Variants in RBM19 observed in about 807,000 individuals in gnomAD.
RBM19 encodes the protein RNA binding motif protein 19.
A neutral mutation model predicts 116.8 loss-of-function variants in RBM19; 94 were observed. The observed-to-expected ratio is 0.80, with a 90% CI of 0.68 to 0.95. The LOEUF is 0.95. Among genes scored for constraint, RBM19 ranks in the 40% least tolerant of loss-of-function variants. The pLI is 0.00. For synonymous variants in RBM19, 475 were observed against 494.1 expected (o/e 0.96, Z 0.51); for missense variants, 1,161 against 1,220.7 (o/e 0.95, Z 0.73).
At chr12:113,892,766 C>T (rs1389465282) in intron 21 of RBM19, among the ~76,000 whole-genome samples, 1 of 152,140 alleles carries the variant, frequency 6.6e-6, no homozygotes, top group Non-Finnish European at 1.5e-5. Context: ...GAAACACCCT[C>T]CTCGCCCTCC....
chr12:113,926,774 T>A (rs925026723), intron 17 of RBM19, among the ~76,000 whole-genome samples: 1 of 152,142 alleles, frequency 6.6e-6, no homozygotes, highest in African/African-American at 2.4e-5. Flanking sequence ...AACTACTGCC[T>A]TCATATTACA....
intron 7 of RBM19, 27 bp from the exon 8 acceptor site, chr12:113,952,617 A>C (rs1871571469): frequency 1.1e-5 from 18 of 1,579,580 alleles, no homozygotes; most frequent in Non-Finnish European, 1.6e-5. Context: ...TTTTCCCCTT[A>C]CCAACCACAT....
At chr12:113,936,751 A>G in intron 16 of RBM19, 1 of 378,326 alleles carries the variant, frequency 2.6e-6, no homozygotes, top group Non-Finnish European at 4.7e-6. Flanking sequence ...TCTGCTTTGA[A>G]TCCTTGTTAA....
chr12:113,820,174 C>G (rs1874319614), downstream of RBM19, among the ~76,000 whole-genome samples: 1 of 150,878 alleles, frequency 6.6e-6, no homozygotes, highest in African/African-American at 2.4e-5. Context: ...TTTTGGCTTC[C>G]CTGGGTCACC....
intron 21 of RBM19, among the ~76,000 whole-genome samples, chr12:113,892,389 T>A (rs540579301): frequency 6.6e-6 from 1 of 152,286 alleles, no homozygotes; most frequent in African/African-American, 2.4e-5. Flanking sequence ...GGATTGCTAT[T>A]GTTGCCCAGT....
At chr12:113,923,904 C>T (rs900642532) in intron 18 of RBM19, among the ~76,000 whole-genome samples, 2 of 152,236 alleles carry the variant, frequency 1.3e-5, no homozygotes, top group Non-Finnish European at 2.9e-5. Flanking sequence ...CCTGGTGGGG[C>T]CTGGGGACTG....
chr12:113,928,625 ATGTGTGTGTG>A (rs57242923), intron 16 of RBM19, among the ~76,000 whole-genome samples: 29 of 120,426 alleles, frequency 2.4e-4, no homozygotes, highest in Admixed American at 1.7e-3. Context: ...TTAGCAAGGG[ATGTGTGTGTG>A]TGTGTGTGTG....
At chr12:113,936,727 T>A (rs1197627562) in intron 16 of RBM19, 1 of 277,956 alleles carries the variant, frequency 3.6e-6, no homozygotes, top group African/African-American at 2.2e-5. Context: ...AACAGGAAGG[T>A]TGTTTATACT....
chr12:113,926,711 C>G (rs954147534), intron 17 of RBM19, among the ~76,000 whole-genome samples: 1 of 152,232 alleles, frequency 6.6e-6, no homozygotes, highest in Non-Finnish European at 1.5e-5. Flanking sequence ...TTATTCCCAG[C>G]GGGCGAGAGG....
At chr12:113,931,252 C>A (rs1488906078) in intron 16 of RBM19, among the ~76,000 whole-genome samples, 2 of 151,968 alleles carry the variant, frequency 1.3e-5, no homozygotes, top group Admixed American at 1.3e-4. Context: ...AGATAATGGC[C>A]CTTCCCCCTC....
intron 22 of RBM19, among the ~76,000 whole-genome samples, chr12:113,854,195 TC>T (rs1877697354): frequency 6.6e-6 from 1 of 152,136 alleles, no homozygotes; most frequent in African/African-American, 2.4e-5. Context: ...CTACCACCTA[TC>T]TCCTAGAGTC....
At chr12:113,935,804 C>T (rs938688999) in intron 16 of RBM19, among the ~76,000 whole-genome samples, 1 of 152,166 alleles carries the variant, frequency 6.6e-6, no homozygotes. Flanking sequence ...GAGGCTGAGG[C>T]AGGCAGATCA....
chr12:113,949,054 C>T lies in RBM19; in HGVS notation c.1073-18G>A, dbSNP rs891419570. ...GCGCCCACCTGCAATGAAGAGGAGT[C>T]AGGGCTCCAGGGGGAGGCCTAGAAC... On this transcript the variant is annotated intron_variant, in intron 9 of 23. Coordinates refer to ENST00000261741, the MANE Select transcript of RBM19 (RefSeq NM_016196.4). The T allele has an allele frequency of 6.2e-7, 1 of 1,602,220 alleles. No individual in the cohort carries two copies. The highest frequency in any genetic ancestry group is 1.3e-5 in the African/African-American group (1 of 74,628).
chr12:113,861,474 CTGTGTGTGTGTGTGTGTGTGTGTGTG>C (rs57704604), intron 21 of RBM19, among the ~76,000 whole-genome samples: 5 of 126,420 alleles, frequency 4.0e-5, no homozygotes, highest in Non-Finnish European at 8.1e-5. Context: ...AAGCCAGACT[CTGTGTGTGTGTGTGTGTGTGTGTGTG>C]TGTGTGTGTG....
Position 113,966,174 on chromosome 12 carries a change from T to C in RBM19, c.36+18A>G. The C allele has an allele frequency of 6.2e-7, 1 of 1,614,224 alleles. No homozygotes were observed. The highest frequency in any genetic ancestry group is 8.5e-7 in the Non-Finnish European group (1 of 1,180,022). On this transcript the variant is annotated intron_variant, in intron 1 of 23. Transcript: ENST00000261741. ...GCTGGTCTCATTTCAGATTCCCAAG[T>C]CCTGCCTCTGCACTCACCCCATTCG... is the stretch of plus-strand genomic sequence containing the variant.
At chr12:113,900,567 C>T (rs536801315) in intron 21 of RBM19, among the ~76,000 whole-genome samples, 3 of 152,140 alleles carry the variant, frequency 2.0e-5, no homozygotes, top group Non-Finnish European at 4.4e-5. Flanking sequence ...ATGTAATCGC[C>T]GGAGGTCAAG....
chr12:113,821,136 A>G (rs545445562), downstream of RBM19, among the ~76,000 whole-genome samples: 83 of 152,250 alleles, frequency 5.5e-4, 2 homozygotes, highest in South Asian at 0.017. Flanking sequence ...AGAGTGGTGG[A>G]CTGTTACGGA....
intron 19 of RBM19, among the ~76,000 whole-genome samples, chr12:113,918,813 A>G (rs1279112354): frequency 6.6e-6 from 1 of 152,226 alleles, no homozygotes. Flanking sequence ...TTCCTGAAAA[A>G]TATTCTAAAT....
intron 16 of RBM19, among the ~76,000 whole-genome samples, chr12:113,934,307 C>T (rs929688837): frequency 6.6e-6 from 1 of 152,202 alleles, no homozygotes; most frequent in African/African-American, 2.4e-5. Context: ...GAGGGCGGGG[C>T]GGATATCATG....
Sources: gnomAD v4.1 joint callset for allele counts (sites outside exome capture counted in the v4.1 genomes callset) on GRCh38, gnomAD v4.1.1 for gene constraint, MANE v1.5 for transcripts, NCBI Gene and HGNC (gene_info 2026-07-23, HGNC 2026-07-21) for gene names.